Variants in EXT1 observed in about 807,000 individuals in gnomAD.
EXT1 encodes the protein exostosin glycosyltransferase 1.
EXT1 carries 20 observed loss-of-function variants against 82.5 expected under a neutral mutation model. The ratio of observed to expected loss-of-function variants is 0.24; its 90% CI spans 0.17 to 0.35. EXT1 has a LOEUF of 0.35. Ranked by LOEUF, EXT1 falls within the 10% of genes least tolerant of loss-of-function variation. The pLI, the probability that EXT1 is intolerant of heterozygous loss-of-function variation, is 1.00. For missense variants in EXT1, 757 were observed against 936.5 expected (o/e 0.81, Z 2.50); for synonymous variants, 348 against 350.8 (o/e 0.99, Z 0.09).
intron 8 of EXT1, among the ~76,000 whole-genome samples, chr8:117,807,882 C>T (rs894008555): frequency 1.3e-5 from 2 of 151,742 alleles, no homozygotes; most frequent in African/African-American, 2.4e-5. Context: ...AAAAACACCA[C>T]AAGTTCTAAC....
chr8:118,026,137 A>G lies in EXT1; in HGVS notation c.962+83948T>C, dbSNP rs371023158. 1.1e-4 allele frequency among the ~76,000 whole-genome samples: 17 copies of G among 152,310 alleles called. No individual in the cohort carries two copies. In the East Asian group the frequency reaches 2.3e-3, roughly 21 times the overall value. On this transcript the variant is annotated intron_variant, in intron 1 of 10. Transcript: ENST00000378204. ...TGTTTCCACCTGTACAGCAAGAGAC[A>G]CAAGACGCAATGGCAAGACCTACAA...
chr8:117,858,844 G>GGAAAGAAAGAAAGAAAGAAA (rs1181366390), intron 1 of EXT1, among the ~76,000 whole-genome samples: 3 of 85,342 alleles, frequency 3.5e-5, no homozygotes, highest in East Asian at 3.4e-4. Flanking sequence ...AAGGAAGGAA[G>GGAAAGAAAGAAAGAAAGAAA]GAAAGAAAGA....
intron 1 of EXT1, among the ~76,000 whole-genome samples, chr8:118,017,215 A>AACCT (rs1473803949): frequency 6.6e-6 from 1 of 152,112 alleles, no homozygotes; most frequent in Non-Finnish European, 1.5e-5. Context: ...TACTAAGTAA[A>AACCT]ACCTACCTCA....
intron 1 of EXT1, among the ~76,000 whole-genome samples, chr8:117,856,775 T>A (rs1444183437): frequency 3.9e-5 from 6 of 152,102 alleles, no homozygotes; most frequent in African/African-American, 1.4e-4. Context: ...ACAACAGACA[T>A]GCAACGTAAA....
intron 1 of EXT1, among the ~76,000 whole-genome samples, chr8:117,948,598 G>T (rs759308058): frequency 6.6e-6 from 1 of 152,178 alleles, no homozygotes; most frequent in Admixed American, 6.5e-5. Flanking sequence ...GTTGAAATTT[G>T]TATAGGAAAT....
intron 1 of EXT1, among the ~76,000 whole-genome samples, chr8:117,945,532 C>T (rs1364254383): frequency 6.6e-6 from 1 of 152,142 alleles, no homozygotes; most frequent in East Asian, 1.9e-4. Context: ...GATGGAGTCT[C>T]ATTCTGTTGC....
At chr8:118,024,309 T>C (rs1457226425) in intron 1 of EXT1, among the ~76,000 whole-genome samples, 1 of 151,972 alleles carries the variant, frequency 6.6e-6, no homozygotes, top group Non-Finnish European at 1.5e-5. Context: ...AAAAAGAAAA[T>C]ACCTAAGGTC....
intron 1 of EXT1, among the ~76,000 whole-genome samples, chr8:118,032,516 T>A (rs964007189): frequency 1.3e-4 from 20 of 151,472 alleles, no homozygotes; most frequent in Non-Finnish European, 2.8e-4. Flanking sequence ...AACTTTTTTT[T>A]TTTTTTTTTT....
At chr8:117,880,922 G>A (rs144185466) in intron 1 of EXT1, among the ~76,000 whole-genome samples, 1 of 152,152 alleles carries the variant, frequency 6.6e-6, no homozygotes, top group African/African-American at 2.4e-5. Flanking sequence ...TCTTTTGTTT[G>A]TTGGGTTTAT....
intron 1 of EXT1, among the ~76,000 whole-genome samples, chr8:117,974,251 G>A (rs1815022046): frequency 6.6e-6 from 1 of 152,178 alleles, no homozygotes; most frequent in Non-Finnish European, 1.5e-5. Context: ...GAACTAAGAA[G>A]AGATCAATTC....
chr8:117,996,786 C>A (rs1464300843), intron 1 of EXT1, among the ~76,000 whole-genome samples: 3 of 152,170 alleles, frequency 2.0e-5, no homozygotes, highest in Non-Finnish European at 4.4e-5. Flanking sequence ...AGAGGACAAA[C>A]AGAAATTGTT....
Position 117,799,714 on chromosome 8 carries a change from A to C in EXT1, c.2239T>G (p.Ter747GlyextTer41). 6.2e-7 allele frequency: 1 copy of C among 1,613,996 alleles called. No individual in the cohort carries two copies. The highest frequency in any genetic ancestry group is 1.1e-5 in the South Asian group (1 of 91,046). Residue 747 changes from the stop codon to glycine, a stop_lost, in exon 11 of 11, where the codon TGA becomes GGA. Coordinates refer to ENST00000378204, the MANE Select transcript of EXT1 (RefSeq NM_000127.3). ...RKKYRDIERL[*>G] ...CCTCCCCCACTCAGCCGGATTCCTC[A>C]AAGTCGCTCAATGTCTCGGTATTTC...
chr8:118,082,767 A>T (rs960782818), intron 1 of EXT1, among the ~76,000 whole-genome samples: 6 of 152,190 alleles, frequency 3.9e-5, no homozygotes, highest in African/African-American at 7.2e-5. Context: ...ATTCCATTTC[A>T]AATGGTTTTC....
At chr8:117,834,418 A>G (rs1486570529) in intron 3 of EXT1, among the ~76,000 whole-genome samples, 1 of 152,146 alleles carries the variant, frequency 6.6e-6, no homozygotes, top group Non-Finnish European at 1.5e-5. Context: ...CAGCATGACC[A>G]ACATGGTGAA....
rs1267068635 is a variant in EXT1, at chr8:117,837,120, C to T, written c.1044G>A (p.Leu348=). ...RGRRLGSFRF[L]EALQAACVPV... ...CAGGGCCTCTTACCTGCAAAGCCTC[C>T]AGGAATCTGAAGGACCCAAGCCTGC... The change falls in exon 2 of 11, where the codon CTG becomes CTA. Residue 348 remains leucine, a synonymous_variant. Coordinates refer to ENST00000378204, the MANE Select transcript of EXT1 (RefSeq NM_000127.3). 1 of 1,613,920 alleles carries T rather than the reference C, an allele frequency of 6.2e-7. No individual in the cohort carries two copies. The highest frequency in any genetic ancestry group is 8.5e-7 in the Non-Finnish European group (1 of 1,179,884).
At chr8:118,024,988 C>G (rs780803127) in intron 1 of EXT1, among the ~76,000 whole-genome samples, 2 of 152,080 alleles carry the variant, frequency 1.3e-5, no homozygotes, top group Non-Finnish European at 2.9e-5. Context: ...TTTCTATGTA[C>G]GTGTATGTAT....
At chr8:117,877,163 A>ACCCAGTGC (rs1812985732) in intron 1 of EXT1, among the ~76,000 whole-genome samples, 1 of 152,208 alleles carries the variant, frequency 6.6e-6, no homozygotes, top group Non-Finnish European at 1.5e-5. Context: ...GTTCATCTTT[A>ACCCAGTGC]CCCAGTGCAG....
intron 1 of EXT1, among the ~76,000 whole-genome samples, chr8:117,985,588 T>G (rs952167503): frequency 6.6e-6 from 1 of 151,648 alleles, no homozygotes; most frequent in Non-Finnish European, 1.5e-5. Flanking sequence ...GCCCAAGAGA[T>G]GAAGAACTGG....
intron 1 of EXT1, among the ~76,000 whole-genome samples, chr8:118,039,488 A>T (rs1816486962): frequency 7.5e-6 from 1 of 132,804 alleles, no homozygotes; most frequent in South Asian, 2.5e-4. Context: ...TGAACCCGGG[A>T]GGCGGAGGCT....
Sources: allele counts gnomAD v4.1 joint callset (sites outside exome capture counted in the v4.1 genomes callset), GRCh38; gene constraint gnomAD v4.1.1; transcripts MANE v1.5; gene names NCBI Gene and HGNC (gene_info 2026-07-23, HGNC 2026-07-21).